Variants in GNAO1 observed in about 807,000 individuals in gnomAD.
GNAO1 encodes guanine nucleotide-binding protein G(o) subunit alpha.
For synonymous variants in GNAO1, 164 were observed against 180.7 expected (o/e 0.91, Z 0.74); for missense variants, 166 against 478.7 (o/e 0.35, Z 6.10).
intron 2 of GNAO1, among the ~76,000 whole-genome samples, chr16:56,262,084 T>A (rs1326605824): frequency 6.6e-6 from 1 of 152,134 alleles, no homozygotes; most frequent in Non-Finnish European, 1.5e-5. Flanking sequence ...GTGGGGAGAA[T>A]CCTCAAAGTG....
chr16:56,201,465 G>C (rs926704665), intron 2 of GNAO1, among the ~76,000 whole-genome samples: 4 of 152,358 alleles, frequency 2.6e-5, no homozygotes, highest in Non-Finnish European at 5.9e-5. Flanking sequence ...TATCTATTGT[G>C]CTAAGGACTT....
intron 3 of GNAO1, among the ~76,000 whole-genome samples, chr16:56,312,192 G>A (rs2037466269): frequency 6.6e-6 from 1 of 152,250 alleles, no homozygotes; most frequent in African/African-American, 2.4e-5. Context: ...GGCTGGCGAT[G>A]TGGGCTCCGG....
At chr16:56,270,680 C>T (rs895640176) in intron 2 of GNAO1, 5 of 152,176 alleles carry the variant, frequency 3.3e-5, no homozygotes, top group African/African-American at 1.2e-4. Context: ...GAGATGATCT[C>T]TGATTATTAT....
At chr16:56,340,420 C>T (rs868419972) in intron 6 of GNAO1, 2 of 162,674 alleles carry the variant, frequency 1.2e-5, no homozygotes, top group East Asian at 1.7e-4. Flanking sequence ...CTGTCAAAAC[C>T]GAATGAGACC....
At position 56,336,877 on chromosome 16, in the gene GNAO1, C is replaced by T; in HGVS notation, c.723+17C>T. ...GAAACCACGGTGAGTGGCCTGGGCCCCCCGGGCAGGGGGCAGCGCTGAGGA... is the reference window on the plus strand; with the variant it reads ...GAAACCACGGTGAGTGGCCTGGGCCTCCCGGGCAGGGGGCAGCGCTGAGGA... On this transcript the variant is annotated intron_variant, in intron 6 of 8. Transcript: ENST00000262493. 6.2e-7 allele frequency: 1 copy of T among 1,603,728 alleles called. No individual in the cohort carries two copies. Among genetic ancestry groups the T allele is most frequent in the East Asian group, 2.2e-5 (1 of 44,534 alleles).
intron 2 of GNAO1, among the ~76,000 whole-genome samples, chr16:56,211,043 C>A (rs1260306524): frequency 6.6e-6 from 1 of 152,156 alleles, no homozygotes; most frequent in African/African-American, 2.4e-5. Flanking sequence ...AGTGATCTGA[C>A]TAGGTTCCTA....
intron 6 of GNAO1, chr16:56,347,430 G>C (rs1244603180): frequency 1.0e-6 from 1 of 985,514 alleles, no homozygotes; most frequent in African/African-American, 1.7e-5. Flanking sequence ...GTCTGTGGTA[G>C]GGCTCCCCAT....
chr16:56,288,734 G>A (rs2037198653), intron 3 of GNAO1, among the ~76,000 whole-genome samples: 1 of 152,138 alleles, frequency 6.6e-6, no homozygotes, highest in Non-Finnish European at 1.5e-5. Context: ...CAGCAGCAGG[G>A]GTGGAGGCGG....
chr16:56,194,761 C>T (rs972986099), intron 2 of GNAO1, among the ~76,000 whole-genome samples: 1 of 152,246 alleles, frequency 6.6e-6, no homozygotes, highest in Admixed American at 6.5e-5. Context: ...TTTTCCTGAA[C>T]ATGCCCCATA....
intron 3 of GNAO1, among the ~76,000 whole-genome samples, chr16:56,310,650 G>GATAAACTCAGTAATCCACAAGGATTACCA (rs1410945609): frequency 1.9e-4 from 29 of 152,326 alleles, no homozygotes; most frequent in African/African-American, 6.3e-4. Flanking sequence ...AATCCACAAT[G>GATAAACTCAGTAATCCACAAGGATTACCA]CAGGATAAAC....
At chr16:56,275,528 T>G (rs911868816) in intron 2 of GNAO1, among the ~76,000 whole-genome samples, 7 of 152,324 alleles carry the variant, frequency 4.6e-5, no homozygotes, top group Admixed American at 4.6e-4. Flanking sequence ...CATCATCCAT[T>G]TGCAGACTTT....
intron 4 of GNAO1, among the ~76,000 whole-genome samples, chr16:56,334,187 G>A (rs1208539935): frequency 6.6e-6 from 1 of 152,228 alleles, no homozygotes; most frequent in African/African-American, 2.4e-5. Context: ...AGACCCCTTG[G>A]TAAGTGAGAA....
chr16:56,315,826 G>A (rs754518806), intron 3 of GNAO1, among the ~76,000 whole-genome samples: 17 of 152,068 alleles, frequency 1.1e-4, no homozygotes, highest in Non-Finnish European at 1.5e-4. Context: ...GGCAGATCAC[G>A]AGGTCAGGAG....
chr16:56,205,857 A>G (rs1356496778), intron 2 of GNAO1, among the ~76,000 whole-genome samples: 2 of 152,168 alleles, frequency 1.3e-5, no homozygotes, highest in East Asian at 3.8e-4. Flanking sequence ...GGAAACTGGG[A>G]TTAAATAATG....
chr16:56,344,457 G>A lies in GNAO1; in HGVS notation c.724-6927G>A. On this transcript the variant is annotated intron_variant, in intron 6 of 8. Transcript: ENST00000262493. ...GGTGGGATCAGGCCAACTTGGTGTG[G>A]GTTGGAGGACTCAGGCCTTGGCGAT... The A allele has an allele frequency of 6.0e-6, 6 of 996,792 alleles. No individual in the cohort carries two copies. In the South Asian group the frequency reaches 2.7e-4, roughly 45 times the overall value. The allele number at this position is 996,792 out of a possible 1,614,324, so 61.7% of individuals were successfully genotyped here.
At chr16:56,214,839 T>C (rs1311397886) in intron 2 of GNAO1, among the ~76,000 whole-genome samples, 1 of 152,268 alleles carries the variant, frequency 6.6e-6, no homozygotes, top group East Asian at 1.9e-4. Context: ...GGCCTGTGCC[T>C]GGCCTGGGCC....
intron 3 of GNAO1, among the ~76,000 whole-genome samples, chr16:56,289,320 A>G (rs8043572): frequency 0.062 from 9,473 of 152,164 alleles, 347 homozygotes; most frequent in South Asian, 0.11. Context: ...CCATCCATCA[A>G]TGAGAGTGGT....
chr16:56,334,401 G>C (rs1312997957), intron 4 of GNAO1, among the ~76,000 whole-genome samples: 1 of 152,164 alleles, frequency 6.6e-6, no homozygotes, highest in Non-Finnish European at 1.5e-5. Context: ...CCTATCTGTT[G>C]GCCATTATTA....
chr16:56,300,008 C>CGCGTGTGTGTGTGTGT (rs2037325521), intron 3 of GNAO1, among the ~76,000 whole-genome samples: 1 of 129,698 alleles, frequency 7.7e-6, no homozygotes, highest in Admixed American at 7.8e-5. Flanking sequence ...GATTGGGGTT[C>CGCGTGTGTGTGTGTGT]GTGTGTGTGT....
Sources: gnomAD v4.1 joint callset for allele counts (sites outside exome capture counted in the v4.1 genomes callset) on GRCh38, gnomAD v4.1.1 for gene constraint, MANE v1.5 for transcripts, NCBI Gene and HGNC (gene_info 2026-07-23, HGNC 2026-07-21) for gene names.